Variants in EPC1 observed in about 807,000 individuals in gnomAD.
EPC1 encodes the protein enhancer of polycomb 1, also known as enhancer of polycomb homolog 1.
Under a neutral mutation model 98.4 loss-of-function variants are expected in EPC1, and 12 were observed. That is an observed-to-expected ratio of 0.12 (90% CI 0.08 to 0.20). The LOEUF (loss-of-function observed/expected upper bound fraction) is 0.20, where lower values mean the gene tolerates loss of function less well. EPC1 is among the 10% of genes least tolerant of loss of function. EPC1 has a pLI of 1.00. For missense variants in EPC1, 729 were observed against 990.5 expected (o/e 0.74, Z 3.54); for synonymous variants, 357 against 363.9 (o/e 0.98, Z 0.21).
chr10:32,337,081 A>C (rs1039505119), intron 1 of EPC1, among the ~76,000 whole-genome samples: 3 of 152,206 alleles, frequency 2.0e-5, no homozygotes, highest in African/African-American at 7.2e-5. Flanking sequence ...AGGATCTCTA[A>C]ATATTCCTTT....
chr10:32,322,164 C>T (rs905119494), intron 1 of EPC1, among the ~76,000 whole-genome samples: 2 of 150,864 alleles, frequency 1.3e-5, no homozygotes, highest in East Asian at 1.9e-4. Flanking sequence ...CTTAATCACG[C>T]ATTAGCCTTA....
intron 1 of EPC1, among the ~76,000 whole-genome samples, chr10:32,342,376 A>G (rs1838418322): frequency 6.6e-6 from 1 of 152,218 alleles, no homozygotes. Context: ...TAAGTTTTGG[A>G]AATGGGGTAA....
Position 32,284,762 on chromosome 10 carries a change from T to C in EPC1, c.1680A>G (p.Gln560=), listed in dbSNP as rs1836583015. ...AGGTACTGCATGTCTGGGTCCCAGG[T>C]TGTGCTGTTCCTGTTCGGTTTATAC... The part of the protein sequence containing the change: ...YRSINRTGTA[Q]PGTQTCSTST... The change falls in exon 10 of 14, where the codon CAA becomes CAG. Residue 560 remains glutamine, a synonymous_variant. Coordinates refer to ENST00000319778, the MANE Select transcript of EPC1 (RefSeq NM_001272004.3). The C allele has an allele frequency of 1.9e-6, 3 of 1,614,200 alleles. No homozygotes were observed. Among genetic ancestry groups the C allele is most frequent in the South Asian group, 1.1e-5 (1 of 91,084 alleles).
At chr10:32,378,479 T>C (rs1056206903) in intron 1 of EPC1, 2 of 1,546,084 alleles carry the variant, frequency 1.3e-6, no homozygotes, top group African/African-American at 2.7e-5. Context: ...ATGGTGAAAA[T>C]TACAAACTTA....
chr10:32,270,159 A>AT (rs1417182322), intron 13 of EPC1, among the ~76,000 whole-genome samples: 1 of 152,144 alleles, frequency 6.6e-6, no homozygotes, highest in Non-Finnish European at 1.5e-5. Context: ...ATCTGATCTT[A>AT]TTTTGTTAGA....
At chr10:32,337,150 C>T (rs1427393327) in intron 1 of EPC1, among the ~76,000 whole-genome samples, 2 of 152,098 alleles carry the variant, frequency 1.3e-5, no homozygotes, top group African/African-American at 4.8e-5. Flanking sequence ...TAGTTTGATT[C>T]TTTTGAGGCT....
chr10:32,297,399 A>T (rs145201741), intron 2 of EPC1, among the ~76,000 whole-genome samples: 1 of 150,032 alleles, frequency 6.7e-6, no homozygotes, highest in African/African-American at 2.5e-5. Context: ...TTCCTGCCTC[A>T]CTCAGCCTCC....
intron 1 of EPC1, among the ~76,000 whole-genome samples, chr10:32,326,050 T>A (rs990235550): frequency 3.9e-5 from 6 of 152,330 alleles, no homozygotes; most frequent in African/African-American, 1.4e-4. Context: ...TTGATGAATT[T>A]ATACCTCTTA....
chr10:32,347,916 T>A (rs888202065), upstream of EPC1, among the ~76,000 whole-genome samples: 7 of 152,250 alleles, frequency 4.6e-5, no homozygotes, highest in African/African-American at 9.6e-5. Context: ...TAGATTTTTT[T>A]AAATCCTGCA....
Position 32,292,695 on chromosome 10 carries a change from G to A in EPC1, c.667-51C>T, listed in dbSNP as rs772826077. On this transcript the variant is annotated intron_variant, in intron 4 of 13. Transcript: ENST00000319778. ...ATGTTAGTAAGTATTTCTAACTAGT[G>A]GTATAGTTATTGACCCATAAAATTT... The A allele has an allele frequency of 3.3e-6, 5 of 1,530,116 alleles. No homozygotes were observed. In the South Asian group the frequency reaches 4.9e-5, roughly 15 times the overall value. 94.8% of individuals were successfully genotyped at this position (1,530,116 alleles called of 1,614,324 possible).
At chr10:32,327,516 A>C (rs1181708831) in intron 1 of EPC1, among the ~76,000 whole-genome samples, 1 of 152,326 alleles carries the variant, frequency 6.6e-6, no homozygotes, top group South Asian at 2.1e-4. Flanking sequence ...AATTGCCATG[A>C]TCTGGTCATT....
intron 1 of EPC1, among the ~76,000 whole-genome samples, chr10:32,357,530 G>T (rs149685681): frequency 2.0e-5 from 3 of 152,130 alleles, no homozygotes; most frequent in Non-Finnish European, 4.4e-5. Context: ...GTGCTATCAC[G>T]GCTCACTGCA....
intron 1 of EPC1, among the ~76,000 whole-genome samples, chr10:32,353,873 G>C (rs1219589732): frequency 1.3e-5 from 2 of 151,760 alleles, no homozygotes; most frequent in Admixed American, 1.3e-4. Context: ...TTCATAATAA[G>C]CTACATAAAG....
Position 32,333,392 on chromosome 10 carries a change from CTGA to C in EPC1, c.153+13368_153+13370del, listed in dbSNP as rs753640436. 7.2e-5 allele frequency among the ~76,000 whole-genome samples: 11 copies of C among 152,238 alleles called. No individual in the cohort carries two copies. In the East Asian group the frequency reaches 1.7e-3, roughly 24 times the overall value. ...AAACCTGGAAATTTTATGTAATGAACTGAGTGATTTAGCAAAGGAGAGTTTCAA... is the reference window on the plus strand; with the variant it reads ...AAACCTGGAAATTTTATGTAATGAACGTGATTTAGCAAAGGAGAGTTTCAA... On this transcript the variant is annotated intron_variant, in intron 1 of 13. Coordinates refer to ENST00000319778, the MANE Select transcript of EPC1 (RefSeq NM_001272004.3).
intron 1 of EPC1, among the ~76,000 whole-genome samples, chr10:32,372,741 G>A (rs1161505859): frequency 6.6e-6 from 1 of 152,214 alleles, no homozygotes; most frequent in Non-Finnish European, 1.5e-5. Flanking sequence ...GATAAGTCAG[G>A]CCGGGCGCGG....
chr10:32,301,038 ATATCTATCTATC>A lies in EPC1; in HGVS notation c.313+4722_313+4733del, dbSNP rs145962262. Among the ~76,000 whole-genome samples the A allele has an allele frequency of 4.6e-3, 657 of 143,092 alleles. 2 individuals are homozygous for A. The highest frequency in any genetic ancestry group is 9.9e-3 in the East Asian group (50 of 5,036). 93.9% of individuals were successfully genotyped at this position (143,092 alleles called of 152,430 possible). ...AGAGGAAAGAATTAGAAGCACATTT[ATATCTATCTATC>A]TATCTATCTATCTATCTATCTATCT... On this transcript the variant is annotated intron_variant, in intron 2 of 13. Coordinates refer to ENST00000319778, the MANE Select transcript of EPC1 (RefSeq NM_001272004.3).
At chr10:32,284,651 G>A (rs1449559994) in intron 10 of EPC1, 47 bp downstream of exon 10, 6 of 1,445,128 alleles carry the variant, frequency 4.2e-6, no homozygotes, top group Non-Finnish European at 5.7e-6. Flanking sequence ...GGAAATGGTT[G>A]GACCTGACAT....
At chr10:32,304,792 G>A (rs927506585) in intron 2 of EPC1, among the ~76,000 whole-genome samples, 12 of 151,836 alleles carry the variant, frequency 7.9e-5, no homozygotes, top group Admixed American at 7.9e-4. Flanking sequence ...GGTGGCATGC[G>A]CCTGTAATCC....
At chr10:32,378,503 C>A in exon 1 of EPC1, 1 of 1,544,546 alleles carries the variant, frequency 6.5e-7, no homozygotes. Context: ...TTAGTGCAGG[C>A]AAAGAAGACG....
Sources: gnomAD v4.1 joint callset for allele counts (sites outside exome capture counted in the v4.1 genomes callset) on GRCh38, gnomAD v4.1.1 for gene constraint, MANE v1.5 for transcripts, NCBI Gene and HGNC (gene_info 2026-07-23, HGNC 2026-07-21) for gene names.